The following IQSEC1 variants were observed in gnomAD, a reference collection of about 807,000 sequenced individuals.
IQSEC1 encodes IQ motif and SEC7 domain-containing protein 1.
IQSEC1 carries 31 observed loss-of-function variants against 91.0 expected under a neutral mutation model. The observed-to-expected ratio is 0.34, with a 90% CI of 0.26 to 0.46. IQSEC1 has a LOEUF of 0.46. IQSEC1 is among the 20% of genes least tolerant of loss of function. The pLI is 1.00. For synonymous variants in IQSEC1, 699 were observed against 662.6 expected (o/e 1.05, Z -0.84); for missense variants, 1,388 against 1,575.6 (o/e 0.88, Z 2.02).
intron 2 of IQSEC1, among the ~76,000 whole-genome samples, chr3:13,082,102 G>A (rs1344133180): frequency 2.0e-5 from 3 of 152,172 alleles, no homozygotes; most frequent in Admixed American, 1.3e-4. Flanking sequence ...GGGCAGCAGC[G>A]TGTGGTCATG....
intron 1 of IQSEC1, among the ~76,000 whole-genome samples, chr3:13,238,612 G>T (rs994929670): frequency 2.3e-4 from 35 of 152,214 alleles, no homozygotes; most frequent in African/African-American, 7.7e-4. Context: ...CCTAGAGCAG[G>T]GCTCAGCACA....
chr3:13,277,964 G>T (rs1037405758), intron 1 of IQSEC1, among the ~76,000 whole-genome samples: 1 of 152,162 alleles, frequency 6.6e-6, no homozygotes, highest in Non-Finnish European at 1.5e-5. Flanking sequence ...CCTGAGGGTG[G>T]CTTCCTCCTG....
rs565438678 is a variant in IQSEC1 at position 12,945,448 on chromosome 3, G to A, written c.24-3583C>T. ...GTTTAATCCCTCCCCCGACTCAAAC[G>A]CCCCCATTCAATCTGTCACCGGGTC... On this transcript the variant is annotated intron_variant, in intron 1 of 13. Transcript: ENST00000613206. 1.4e-3 allele frequency among the ~76,000 whole-genome samples: 201 copies of A among 148,364 alleles called. 1 individual carries two copies. Among genetic ancestry groups the A allele is most frequent in the Middle Eastern group, 3.5e-3 (1 of 286 alleles).
chr3:13,269,630 C>A (rs538633194), intron 1 of IQSEC1, among the ~76,000 whole-genome samples: 15 of 152,332 alleles, frequency 9.8e-5, no homozygotes, highest in African/African-American at 3.4e-4. Context: ...ACAGCCACCC[C>A]TAAAAGTGAT....
chr3:13,149,861 C>G (rs1706962198), intron 2 of IQSEC1, among the ~76,000 whole-genome samples: 1 of 152,228 alleles, frequency 6.6e-6, no homozygotes, highest in Admixed American at 6.5e-5. Context: ...GTTCTCATCA[C>G]TGAGGGGTAC....
chr3:13,260,508 C>T (rs896423681), intron 1 of IQSEC1, among the ~76,000 whole-genome samples: 8 of 152,180 alleles, frequency 5.3e-5, no homozygotes, highest in African/African-American at 1.9e-4. Context: ...AATTTTTGAT[C>T]AAAACAGGTG....
At chr3:12,915,482 G>T in intron 7 of IQSEC1, 112 bp downstream of exon 7, 1 of 1,202,238 alleles carries the variant, frequency 8.3e-7, no homozygotes, top group Admixed American at 2.3e-5. Context: ...GAATTCACCA[G>T]CCCTGCTGGA....
intron 1 of IQSEC1, among the ~76,000 whole-genome samples, chr3:13,260,196 G>A (rs6784815): frequency 0.38 from 57,469 of 152,034 alleles, 13,890 homozygotes; most frequent in African/African-American, 0.7. Flanking sequence ...GTGGAGGGAA[G>A]GAAAGTTGCA....
At chr3:12,941,410 C>T (rs142290061) in intron 2 of IQSEC1, among the ~76,000 whole-genome samples, 161 bp downstream of exon 2, 2 of 152,374 alleles carry the variant, frequency 1.3e-5, no homozygotes, top group East Asian at 1.9e-4. Flanking sequence ...AGAGCAGCTA[C>T]AGGTGGAGCT....
chr3:13,227,423 G>GA (rs903217439), intron 1 of IQSEC1, among the ~76,000 whole-genome samples: 32 of 130,764 alleles, frequency 2.4e-4, no homozygotes, highest in East Asian at 1.1e-3. Context: ...AACGAAAAAA[G>GA]AAAAAAAAAA....
chr3:12,899,225 C>G lies in IQSEC1; in HGVS notation c.*1758G>C. ...CCAGCCAGCCAGCCAAGGTGACACA[C>G]AGCCAGAGGGGGCTCCCCTCTCCTC... is the stretch of plus-strand genomic sequence containing the variant. On this transcript the variant is annotated 3_prime_UTR_variant, in exon 14 of 14. Coordinates refer to ENST00000613206, the MANE Select transcript of IQSEC1 (RefSeq NM_001134382.3). 2 of 725,454 alleles carry G rather than the reference C, an allele frequency of 2.8e-6. No individual in the cohort carries two copies. The highest frequency in any genetic ancestry group is 4.5e-6 in the Non-Finnish European group (2 of 441,156). 44.9% of individuals were successfully genotyped at this position (725,454 alleles called of 1,614,324 possible).
chr3:12,932,120 C>G (rs906416271), intron 3 of IQSEC1, among the ~76,000 whole-genome samples: 2 of 152,146 alleles, frequency 1.3e-5, no homozygotes, highest in African/African-American at 4.8e-5. Context: ...TGGACATAGC[C>G]AGGCATGTAC....
chr3:13,002,721 A>G (rs1442163631), intron 1 of IQSEC1, among the ~76,000 whole-genome samples: 2 of 152,260 alleles, frequency 1.3e-5, no homozygotes, highest in African/African-American at 2.4e-5. Flanking sequence ...TGAATGGCCA[A>G]TAAGCACATG....
chr3:12,908,352 C>T lies in IQSEC1; in HGVS notation c.2752G>A (p.Ala918Thr), dbSNP rs1321664446. 7 of 1,611,414 alleles carry T rather than the reference C, an allele frequency of 4.3e-6. No homozygotes were observed. In the African/African-American group the frequency reaches 6.7e-5, roughly 15 times the overall value. Residue 918 changes from alanine (A) to threonine (T), a missense_variant, in exon 12 of 14, where the codon GCC becomes ACC. By Grantham distance (58) the Ala-to-Thr change is moderately conservative. Coordinates refer to ENST00000613206, the MANE Select transcript of IQSEC1 (RefSeq NM_001134382.3). The surrounding 1 kb of genome is among the most constrained non-coding windows in gnomAD (Gnocchi z 4.9). ...LSSSLRDLSEAGKRGRRSSAG... is the reference protein window; with the variant it reads ...LSSSLRDLSETGKRGRRSSAG... ...TGGTTCTAGGCCAAGCTCTTACCGG[C>T]TTCCGAGAGGTCCCGCAGGGAGCTG...
At chr3:13,152,774 G>T (rs1707021269) in intron 2 of IQSEC1, among the ~76,000 whole-genome samples, 1 of 152,192 alleles carries the variant, frequency 6.6e-6, no homozygotes, top group Non-Finnish European at 1.5e-5. Context: ...GGAGGCTGAG[G>T]CAGGAGAATC....
chr3:12,921,016 C>T (rs974678895), intron 5 of IQSEC1, among the ~76,000 whole-genome samples: 1 of 152,170 alleles, frequency 6.6e-6, no homozygotes, highest in Non-Finnish European at 1.5e-5. Flanking sequence ...CACCTCCACA[C>T]CAGCTCAGAG....
chr3:12,915,390 C>G (rs1452396779), intron 7 of IQSEC1, among the ~76,000 whole-genome samples: 1 of 152,232 alleles, frequency 6.6e-6, no homozygotes, highest in Non-Finnish European at 1.5e-5. Flanking sequence ...AGCCTCAGCT[C>G]TCTTCAGATT....
intron 2 of IQSEC1, among the ~76,000 whole-genome samples, chr3:13,147,631 T>C (rs1262026142): frequency 4.6e-5 from 7 of 152,218 alleles, no homozygotes; most frequent in Non-Finnish European, 1.0e-4. Context: ...TAAACATGTA[T>C]GTGCCGGTGT....
At chr3:13,164,186 C>T (rs1011350535) in intron 1 of IQSEC1, among the ~76,000 whole-genome samples, 1 of 152,150 alleles carries the variant, frequency 6.6e-6, no homozygotes, top group African/African-American at 2.4e-5. Context: ...CTCCGGGAGA[C>T]CTGCACAACG....
Sources: gnomAD v4.1 joint callset for allele counts (sites outside exome capture counted in the v4.1 genomes callset) on GRCh38, gnomAD v4.1.1 for gene constraint, Gnocchi (gnomAD v3.1) non-coding constraint, MANE v1.5 for transcripts, NCBI Gene and HGNC (gene_info 2026-07-23, HGNC 2026-07-21) for gene names.